DIDO1: variants seen among roughly 807,000 people sequenced by gnomAD.
DIDO1 encodes death-inducer obliterator 1.
Under a neutral mutation model 99.4 loss-of-function variants are expected in DIDO1, and 16 were observed. The ratio of observed to expected loss-of-function variants is 0.16; its 90% confidence interval spans 0.11 to 0.24. The LOEUF is 0.24. Ranked by LOEUF, DIDO1 falls within the 10% of genes least tolerant of loss-of-function variation. The probability of loss-of-function intolerance (pLI) is 1.00; values close to 1 mark genes in which losing one functional copy is unlikely to be tolerated. For synonymous variants in DIDO1, 1,366 were observed against 1,239.1 expected (o/e 1.10, Z -2.15); for missense variants, 2,996 against 3,014.0 (o/e 0.99, Z 0.14).
chr20:62,889,607 AG>A, intron 15 of DIDO1: 1 of 985,392 alleles, frequency 1.0e-6, no homozygotes, highest in Non-Finnish European at 1.2e-6. Flanking sequence ...ACAGGTGCGG[AG>A]AGGCCAGCTT....
At position 62,911,698 on chromosome 20, in the gene DIDO1, C is replaced by A. The variant is rs1406606118; in HGVS notation, c.-2-84G>T. The A allele has an allele frequency of 5.7e-6, 7 of 1,235,524 alleles. No homozygotes were observed. Among genetic ancestry groups the A allele is most frequent in the Non-Finnish European group, 7.7e-6 (7 of 904,578 alleles). The allele number at this position is 1,235,524 out of a possible 1,614,324, so 76.5% of individuals were successfully genotyped here. A position where few individuals can be genotyped will look rare whatever the true frequency, so the allele number is the denominator to read the frequency against. ...GCCGCCAAACACGCGCAGCAGGGGC[C>A]ACCTCCCTACAAACAGTGGAGCTCT... On this transcript the variant is annotated intron_variant, in intron 2 of 15. Coordinates refer to ENST00000395343, the MANE Select transcript of DIDO1 (RefSeq NM_001193369.2). The surrounding 1 kb of genome is among the most constrained non-coding windows in gnomAD (Gnocchi z 7.0).
chr20:62,922,211 C>CAT (rs201568138), intron 1 of DIDO1, among the ~76,000 whole-genome samples: 2,691 of 90,976 alleles, frequency 0.03, 49 homozygotes, highest in Non-Finnish European at 0.03. Context: ...TATATATGTA[C>CAT]ATATATATAC....
chr20:62,879,781 G>A lies in DIDO1; in HGVS notation c.6175C>T (p.Pro2059Ser), dbSNP rs750041972. 3.7e-6 allele frequency: 6 copies of A among 1,611,506 alleles called. No individual in the cohort carries two copies. The highest frequency in any genetic ancestry group is 5.1e-6 in the Non-Finnish European group (6 of 1,179,784). The change falls in exon 16 of 16, where the codon CCC (proline) becomes TCC (serine). Residue 2059 changes from proline (P) to serine (S), a missense_variant. By Grantham distance (74) the Pro-to-Ser change is moderately conservative. Around this residue, in one of 5 missense-constraint regions of DIDO1, gnomAD observed 1,562 missense variants for 1,412.6 expected, o/e 1.11. Coordinates refer to ENST00000395343, the MANE Select transcript of DIDO1 (RefSeq NM_001193369.2). The surrounding 1 kb of genome is among the most constrained non-coding windows in gnomAD (Gnocchi z 6.3). Reference protein sequence around the residue: ...ALSSSAPGQGPEADGQWASAD... With the variant: ...ALSSSAPGQGSEADGQWASAD... ...GATGCCCACTGTCCGTCGGCCTCGG[G>A]GCCCTGTCCGGGCGCACTGGAGGAG...
Position 62,882,369 on chromosome 20 carries a change from C to T in DIDO1, c.3587G>A (p.Cys1196Tyr), listed in dbSNP as rs2064224216. The T allele has an allele frequency of 6.2e-7, 1 of 1,613,916 alleles. No homozygotes were observed. Among genetic ancestry groups the T allele is most frequent in the South Asian group, 1.1e-5 (1 of 91,076 alleles). The change falls in exon 16 of 16, where the codon TGC (cysteine) becomes TAC (tyrosine). Residue 1196 changes from cysteine to tyrosine, a missense_variant. Around this residue, in one of 5 missense-constraint regions of DIDO1, gnomAD observed 135 missense variants for 202.3 expected, o/e 0.67. Transcript: ENST00000395343. ...GTTTGCGGGACGTTTGATTTTTTGG[C>T]AGATTACTAACCCAAGAATTATATT... ...RPNIILGLVI[C>Y]QKIKRPANSG...
At chr20:62,918,687 C>T (rs1186294494) in intron 1 of DIDO1, among the ~76,000 whole-genome samples, 1 of 152,130 alleles carries the variant, frequency 6.6e-6, no homozygotes, top group African/African-American at 2.4e-5. Context: ...AATTTTAACC[C>T]GCCAGTCAGA....
rs368023217 is a variant in DIDO1 at position 62,896,337 on chromosome 20, G to A, written c.2110C>T (p.Leu704Phe). ...MTENEVGKIA[L>F]HIEKEMFNLF... is the part of the protein sequence containing the mutation. ...TTAAACATCTCCTTCTCAATATGGA[G>A]GGCAATTTTTCCTACTTCGTTTTCT... The change falls in exon 8 of 16, where the codon CTC becomes TTC. Residue 704 changes from leucine to phenylalanine, a missense_variant. Transcript: ENST00000395343. This position sits in a 1 kb window ranked among gnomAD's most constrained non-coding sequence, Gnocchi z 4.4. The A allele has an allele frequency of 6.2e-7, 1 of 1,613,868 alleles. No homozygotes were observed. The highest frequency in any genetic ancestry group is 1.3e-5 in the African/African-American group (1 of 74,836).
intron 6 of DIDO1, among the ~76,000 whole-genome samples, chr20:62,897,816 TGCCAGGGGACAGATG>T (rs545446248): frequency 3.3e-5 from 5 of 152,270 alleles, no homozygotes; most frequent in African/African-American, 7.2e-5. Context: ...ACAGACGGCG[TGCCAGGGGACAGATG>T]GCCAGGGGAC....
Position 62,880,540 on chromosome 20 carries a change from G to C in DIDO1, c.5416C>G (p.Pro1806Ala). The stretch of plus-strand genomic sequence containing the variant: ...TGCCCCGAGAATAAGGAAGGGATGG[G>C]CCCCTTCTGGGCTCCGAATCTGGCT... ...PPARFGAQKG[P>A]IPSLFSGQHG... Residue 1806 changes from proline (P) to alanine (A), a missense_variant, in exon 16 of 16, where the codon CCC becomes GCC. Transcript: ENST00000395343. 1.2e-6 allele frequency: 2 copies of C among 1,613,000 alleles called. No individual in the cohort carries two copies. Among genetic ancestry groups the C allele is most frequent in the South Asian group, 2.2e-5 (2 of 91,086 alleles).
intron 1 of DIDO1, among the ~76,000 whole-genome samples, chr20:62,919,276 G>A (rs1239517614): frequency 7.2e-5 from 11 of 152,156 alleles, no homozygotes; most frequent in East Asian, 1.9e-4. Context: ...GGCCGGGTGC[G>A]GTGGCTCATG....
intron 15 of DIDO1, chr20:62,887,667 G>A (rs771077414): frequency 1.0e-6 from 1 of 985,250 alleles, no homozygotes; most frequent in Non-Finnish European, 1.2e-6. Context: ...CATCTTGGCT[G>A]CGGTCCAGTC....
intron 6 of DIDO1, among the ~76,000 whole-genome samples, chr20:62,899,794 C>T (rs533262307): frequency 5.9e-5 from 9 of 152,264 alleles, no homozygotes; most frequent in East Asian, 3.9e-4. Context: ...TCCTACAACA[C>T]GCAGAAAGCC....
chr20:62,916,946 GCATGCTGTT>G (rs2065048472), intron 1 of DIDO1, among the ~76,000 whole-genome samples: 1 of 152,222 alleles, frequency 6.6e-6, no homozygotes, highest in South Asian at 2.1e-4. Flanking sequence ...GGACCCATGT[GCATGCTGTT>G]CACCTGGATG....
chr20:62,935,207 A>C (rs1017401366), intron 1 of DIDO1, among the ~76,000 whole-genome samples: 2 of 152,054 alleles, frequency 1.3e-5, no homozygotes, highest in Non-Finnish European at 2.9e-5. Context: ...GCTCCCACAA[A>C]TTGTCAGTCA....
intron 1 of DIDO1, among the ~76,000 whole-genome samples, chr20:62,917,719 A>G (rs1009750679): frequency 1.3e-5 from 2 of 152,236 alleles, no homozygotes; most frequent in African/African-American, 4.8e-5. Flanking sequence ...AAAAAAATTA[A>G]TATTTACTGC....
chr20:62,917,005 C>G (rs1197988594), intron 1 of DIDO1, among the ~76,000 whole-genome samples: 1 of 152,190 alleles, frequency 6.6e-6, no homozygotes, highest in Admixed American at 6.5e-5. Context: ...AATGTCCACA[C>G]ATCTCATCGG....
Position 62,879,560 on chromosome 20 carries a change from G to C in DIDO1, c.6396C>G (p.Pro2132=). ...NWSRERDWDR[P]REWDRHRDKD... is the part of the protein sequence containing the mutation. ...TGTCCCGGTGTCGGTCCCACTCCCG[G>C]GGCCGGTCCCAGTCCCGCTCTCGGC... The change falls in exon 16 of 16, where the codon CCC becomes CCG. Residue 2132 remains proline, a synonymous_variant. Coordinates refer to ENST00000395343, the MANE Select transcript of DIDO1 (RefSeq NM_001193369.2). The surrounding 1 kb of genome is among the most constrained non-coding windows in gnomAD (Gnocchi z 6.3). 1.2e-6 allele frequency: 2 copies of C among 1,600,868 alleles called. No individual in the cohort carries two copies. The highest frequency in any genetic ancestry group is 1.3e-5 in the African/African-American group (1 of 74,792).
intron 1 of DIDO1, among the ~76,000 whole-genome samples, chr20:62,919,569 T>G (rs1254945999): frequency 1.3e-5 from 2 of 149,530 alleles, no homozygotes; most frequent in East Asian, 3.9e-4. Context: ...GCAGCAAGGG[T>G]GCCACAACAC....
intron 1 of DIDO1, among the ~76,000 whole-genome samples, chr20:62,921,569 G>C (rs2065136540): frequency 6.6e-6 from 1 of 152,108 alleles, no homozygotes; most frequent in Admixed American, 6.5e-5. Context: ...GGAGAGAATG[G>C]GGTTTCTTCT....
Position 62,896,749 on chromosome 20 carries a change from C to A in DIDO1, c.1836G>T (p.Arg612Ser). Residue 612 changes from arginine (R) to serine (S), a missense_variant, in exon 7 of 16, where the codon AGG (arginine) becomes AGT (serine). Arg to Ser is a moderately radical substitution (Grantham distance 110, BLOSUM62 -1). This residue lies in a region of DIDO1 where 898 missense variants were observed against 972.7 expected (regional missense o/e 0.92). Coordinates refer to ENST00000395343, the MANE Select transcript of DIDO1 (RefSeq NM_001193369.2). The surrounding 1 kb of genome is among the most constrained non-coding windows in gnomAD (Gnocchi z 4.4). ...CCGCTGCAGGTGCCGGTCCGGCCTG[C>A]CTGGCAGCTGAAGCACCACTCGATG... Reference protein sequence around the residue: ...ATPSSGASAARQAGPAPAAAT... With the variant: ...ATPSSGASAASQAGPAPAAAT... 5 of 1,613,432 alleles carry A rather than the reference C, an allele frequency of 3.1e-6. No homozygotes were observed. Among genetic ancestry groups the A allele is most frequent in the Non-Finnish European group, 4.2e-6 (5 of 1,179,536 alleles).
Sources: gnomAD v4.1 joint callset for allele counts (sites outside exome capture counted in the v4.1 genomes callset) on GRCh38, gnomAD v4.1.1 for gene constraint, gnomAD v4.1.1 regional missense constraint, Gnocchi (gnomAD v3.1) non-coding constraint, MANE v1.5 for transcripts, NCBI Gene and HGNC (gene_info 2026-07-23, HGNC 2026-07-21) for gene names.